KIAA1755: variants seen among roughly 807,000 people sequenced by gnomAD.
KIAA1755 encodes KIAA1755, also known as uncharacterized protein KIAA1755.
KIAA1755 carries 68 observed loss-of-function variants against 91.7 expected under a neutral mutation model. That is an observed-to-expected ratio of 0.74 (90% CI 0.61 to 0.91). The LOEUF is 0.91. Ranked by LOEUF, KIAA1755 falls within the 40% of genes least tolerant of loss-of-function variation. The pLI, the probability that KIAA1755 is intolerant of heterozygous loss-of-function variation, is 0.00. For synonymous variants in KIAA1755, 610 were observed against 604.6 expected (o/e 1.01, Z -0.13); for missense variants, 1,535 against 1,494.4 (o/e 1.03, Z -0.45).
Position 38,253,722 on chromosome 20 carries a change from T to C in KIAA1755, c.3+6776A>G, listed in dbSNP as rs548011943. On this transcript the variant is annotated intron_variant, in intron 1 of 13. Transcript: ENST00000279024. ...CAGCCTTTTAATTTTCTTCATAGTT[T>C]CCCGGATTTTCCAAACATTCCGTAA... Among the ~76,000 whole-genome samples, 10 of 152,334 alleles carry C rather than the reference T, an allele frequency of 6.6e-5. No homozygotes were observed. In the East Asian group the frequency reaches 1.9e-3, roughly 29 times the overall value.
intron 4 of KIAA1755, among the ~76,000 whole-genome samples, chr20:38,236,128 T>C (rs111596727): frequency 0.011 from 1,635 of 152,178 alleles, 13 homozygotes; most frequent in Non-Finnish European, 0.018. Context: ...AGTTAACAAA[T>C]TGAATGTGGG....
At chr20:38,254,025 G>A (rs1401611744) in intron 1 of KIAA1755, among the ~76,000 whole-genome samples, 4 of 152,034 alleles carry the variant, frequency 2.6e-5, no homozygotes, top group East Asian at 1.9e-4. Flanking sequence ...CTGGGATTAC[G>A]GGCACCTGCC....
intron 13 of KIAA1755, among the ~76,000 whole-genome samples, chr20:38,215,789 G>A (rs1208334366): frequency 6.6e-6 from 1 of 152,120 alleles, no homozygotes; most frequent in African/African-American, 2.4e-5. Context: ...CTTTAACCCT[G>A]GAGGCACTAC....
At chr20:38,246,631 G>A (rs2076166030) in intron 1 of KIAA1755, among the ~76,000 whole-genome samples, 1 of 152,180 alleles carries the variant, frequency 6.6e-6, no homozygotes, top group Admixed American at 6.5e-5. Context: ...ATAAGTGATT[G>A]CTGTTTTGCC....
At position 38,214,359 on chromosome 20, in the gene KIAA1755, C is replaced by T. The variant is rs187238994; in HGVS notation, c.2902-616G>A. ...GTTGCACTAGATGATCATGAAAAGC[C>T]TTTTGAGAGGTGAAATTCCTCTCCA... On this transcript the variant is annotated intron_variant, in intron 13 of 13. Coordinates refer to ENST00000279024, the MANE Select transcript of KIAA1755 (RefSeq NM_001029864.2). 6.4e-3 allele frequency among the ~76,000 whole-genome samples: 969 copies of T among 152,294 alleles called. 3 individuals are homozygous for T. The highest frequency in any genetic ancestry group is 0.011 in the Non-Finnish European group (724 of 68,018).
In KIAA1755 at chr20:38,219,741, C is replaced by G. The variant is rs749835474; in HGVS notation, c.2445G>C (p.Leu815Phe). ...GAAGCTGCTCGTCCACAAGGCTGTACAAGGCAGTGGCTGCAGCCAGATGGC... is the reference window on the plus strand; with the variant it reads ...GAAGCTGCTCGTCCACAAGGCTGTAGAAGGCAGTGGCTGCAGCCAGATGGC... ...VRSHLAAATA[L>F]YSLVDEQLHV... is the part of the protein sequence containing the mutation. Residue 815 changes from leucine to phenylalanine, a missense_variant, in exon 11 of 14, where the codon TTG (leucine) becomes TTC (phenylalanine). Physicochemically the swap from Leu to Phe is conservative, Grantham distance 22. Transcript: ENST00000279024. 1.9e-6 allele frequency: 3 copies of G among 1,614,204 alleles called. 1 individual carries two copies. The South Asian group carries it at 3.3e-5, about 18-fold the overall frequency.
In KIAA1755 at chr20:38,227,215, G is replaced by A. The variant is rs765211400; in HGVS notation, c.1991C>T (p.Ala664Val). 1.2e-6 allele frequency: 2 copies of A among 1,613,794 alleles called. No individual in the cohort carries two copies. The highest frequency in any genetic ancestry group is 3.3e-5 in the Admixed American group (2 of 59,994). Reference sequence around the variant, plus strand: ...CTCCTTCTCCCCCAGGAAGAGAATAGCCCGGATAGAGGCTGGGACCTGAGC... The same window carrying A: ...CTCCTTCTCCCCCAGGAAGAGAATAACCCGGATAGAGGCTGGGACCTGAGC... ...TQAQVPASIR[A>V]ILFLGEKEAA... The change falls in exon 7 of 14, where the codon GCT becomes GTT. Residue 664 changes from alanine to valine, a missense_variant. Coordinates refer to ENST00000279024, the MANE Select transcript of KIAA1755 (RefSeq NM_001029864.2).
chr20:38,217,476 T>C lies in KIAA1755; in HGVS notation c.2680-2A>G, dbSNP rs1302730118. On this transcript the variant is annotated splice_acceptor_variant, in intron 12 of 13. Transcript: ENST00000279024. LOFTEE classifies it high-confidence loss of function. ...CTCCAGGCCTCGGCGGTACTGGGCC[T>C]GAGAGGGGAGAGGAGGGGGCGCCCA... 2 of 1,595,816 alleles carry C rather than the reference T, an allele frequency of 1.3e-6. No individual in the cohort carries two copies. Among genetic ancestry groups the C allele is most frequent in the Non-Finnish European group, 8.5e-7 (1 of 1,170,324 alleles).
intron 6 of KIAA1755, 52 bp from the exon 7 acceptor site, chr20:38,227,292 T>A: frequency 7.1e-7 from 1 of 1,413,070 alleles, no homozygotes; most frequent in Non-Finnish European, 9.9e-7. Context: ...TCATGAAGCC[T>A]CACACACTTT....
chr20:38,243,832 C>T (rs1008351468), intron 2 of KIAA1755, among the ~76,000 whole-genome samples: 1 of 152,202 alleles, frequency 6.6e-6, no homozygotes, highest in African/African-American at 2.4e-5. Flanking sequence ...AGCTACTGGG[C>T]ACTTGCTGCA....
Position 38,227,168 on chromosome 20 carries a change from A to G in KIAA1755, c.2038T>C (p.Leu680=), listed in dbSNP as rs1354811004. ...GTCCCCCTCACCTGGACGTCAGGTA[A>G]TGTCTGCAGCTGGAGAGCCGCCTCC... The part of the protein sequence containing the change: ...EKEAALQLQT[L]PDVQVEVLTS... Residue 680 remains leucine, a synonymous_variant, in exon 7 of 14, where the codon TTA becomes CTA. Transcript: ENST00000279024. 2.5e-6 allele frequency: 4 copies of G among 1,613,540 alleles called. No homozygotes were observed. Among genetic ancestry groups the G allele is most frequent in the Non-Finnish European group, 3.4e-6 (4 of 1,179,746 alleles).
chr20:38,230,905 T>A (rs1381767010), intron 5 of KIAA1755, among the ~76,000 whole-genome samples: 16 of 148,784 alleles, frequency 1.1e-4, no homozygotes, highest in African/African-American at 2.7e-4. Context: ...AAAAAAAAAA[T>A]GAAAACCACT....
At chr20:38,246,946 T>C (rs988417500) in intron 1 of KIAA1755, among the ~76,000 whole-genome samples, 4 of 152,106 alleles carry the variant, frequency 2.6e-5, no homozygotes, top group African/African-American at 9.7e-5. Flanking sequence ...CCAACAGCTC[T>C]CCAGCCAGGT....
chr20:38,239,721 T>G lies in KIAA1755; in HGVS notation c.1554A>C (p.Gly518=). ...PNRAKSLGKA[G]TTQTKTSGPA... ...GGCCAGATGTTTTGGTCTGAGTTGT[T>G]CCAGCTGGGAAAAAGCAACAACAAA... The change falls in exon 4 of 14, where the codon GGA becomes GGC. Residue 518 remains glycine (G), a synonymous_variant. Coordinates refer to ENST00000279024, the MANE Select transcript of KIAA1755 (RefSeq NM_001029864.2). The G allele has an allele frequency of 6.2e-7, 1 of 1,611,732 alleles. No homozygotes were observed. Among genetic ancestry groups the G allele is most frequent in the Non-Finnish European group, 8.5e-7 (1 of 1,179,982 alleles).
intron 1 of KIAA1755, among the ~76,000 whole-genome samples, chr20:38,248,535 C>G (rs1173746000): frequency 6.6e-6 from 1 of 152,138 alleles, no homozygotes; most frequent in African/African-American, 2.4e-5. Context: ...GAGGCAGGTA[C>G]AGTAAGCACT....
intron 5 of KIAA1755, among the ~76,000 whole-genome samples, chr20:38,228,980 A>G (rs916571185): frequency 2.0e-5 from 3 of 152,204 alleles, no homozygotes; most frequent in Admixed American, 6.5e-5. Flanking sequence ...ACTTGTTAAA[A>G]TACAGATTCC....
rs200026103 is a variant in KIAA1755, at chr20:38,225,797, T to C, written c.2053-16A>G. ...GCACCTCCACCTGCAGACCAAAGAA[T>C]CAGGAGAACCAGGGACTCAAAGTGA... On this transcript the variant is annotated splice_polypyrimidine_tract_variant and intron_variant, in intron 7 of 13. Coordinates refer to ENST00000279024, the MANE Select transcript of KIAA1755 (RefSeq NM_001029864.2). 4.7e-6 allele frequency: 7 copies of C among 1,478,456 alleles called. No homozygotes were observed. Among genetic ancestry groups the C allele is most frequent in the Non-Finnish European group, 6.4e-6 (7 of 1,097,426 alleles). The allele number at this position is 1,478,456 out of a possible 1,614,324, so 91.6% of individuals were successfully genotyped here.
At chr20:38,246,255 C>G (rs920175939) in intron 1 of KIAA1755, 129 bp from the exon 2 acceptor site, 352 of 722,950 alleles carry the variant, frequency 4.9e-4, no homozygotes, top group Admixed American at 7.3e-4. Context: ...CTACCCCACC[C>G]CCCTCACTCA....
At position 38,213,357 on chromosome 20, in the gene KIAA1755, G is replaced by C; in HGVS notation, c.3288C>G (p.Asp1096Glu). 6.2e-7 allele frequency: 1 copy of C among 1,608,188 alleles called. No individual in the cohort carries two copies. ...SKGRWDQPPL[D>E]SLGMDHLPKS... ...TTGGCAAATGGTCCATGCCCAGTGA[G>C]TCTAGTGGAGGCTGATCCCACCTCC... The change falls in exon 14 of 14, where the codon GAC becomes GAG. Residue 1096 changes from aspartate (D) to glutamate (E), a missense_variant. Transcript: ENST00000279024.
Sources: gnomAD v4.1 joint callset for allele counts (sites outside exome capture counted in the v4.1 genomes callset) on GRCh38, gnomAD v4.1.1 for gene constraint, MANE v1.5 for transcripts, NCBI Gene and HGNC (gene_info 2026-07-23, HGNC 2026-07-21) for gene names.